The following CALD1 variants were observed in gnomAD, a reference collection of about 807,000 sequenced individuals.
CALD1 encodes caldesmon 1.
A neutral mutation model predicts 99.9 loss-of-function variants in CALD1; 33 were observed. The ratio of observed to expected loss-of-function variants is 0.33; its 90% CI spans 0.25 to 0.44. The LOEUF (loss-of-function observed/expected upper bound fraction) is 0.44. Ranked by LOEUF, CALD1 falls within the 20% of genes least tolerant of loss-of-function variation. CALD1 has a pLI of 1.00. For synonymous variants in CALD1, 310 were observed against 325.0 expected (o/e 0.95, Z 0.50); for missense variants, 861 against 962.1 (o/e 0.89, Z 1.39).
chr7:134,865,052 A>T (rs946193296), intron 2 of CALD1, among the ~76,000 whole-genome samples: 8 of 152,108 alleles, frequency 5.3e-5, no homozygotes, highest in African/African-American at 1.9e-4. Flanking sequence ...TTGACTTTTC[A>T]TCCCTTCATT....
chr7:134,910,072 A>G (rs917420541), intron 3 of CALD1, among the ~76,000 whole-genome samples: 15 of 152,316 alleles, frequency 9.8e-5, no homozygotes, highest in Non-Finnish European at 2.1e-4. Flanking sequence ...AATATTGAAT[A>G]TAGTCAATAT....
chr7:134,921,185 C>A (rs1440731877), intron 3 of CALD1, among the ~76,000 whole-genome samples: 1 of 152,164 alleles, frequency 6.6e-6, no homozygotes, highest in Non-Finnish European at 1.5e-5. Context: ...GTCTGATGAA[C>A]AGTTGTCTCA....
chr7:134,866,035 G>A (rs1015581796), intron 2 of CALD1, among the ~76,000 whole-genome samples: 17 of 152,172 alleles, frequency 1.1e-4, no homozygotes, highest in Admixed American at 5.9e-4. Flanking sequence ...GGAAGGAAGA[G>A]AAGAGTCTAC....
Position 134,907,828 on chromosome 7 carries a change from C to T in CALD1, c.72-20926C>T, listed in dbSNP as rs1803514514. On this transcript the variant is annotated intron_variant, in intron 3 of 14. Coordinates refer to ENST00000361675, the MANE Select transcript of CALD1 (RefSeq NM_033138.4). ...CGTGGGCCCTCAGACACGAGCAATC[C>T]TTCTGGCCGCTGCCAGTGTCCTAAT... Among the ~76,000 whole-genome samples, 4 of 152,140 alleles carry T rather than the reference C, an allele frequency of 2.6e-5. No individual in the cohort carries two copies. In the South Asian group the frequency reaches 8.3e-4, roughly 32 times the overall value.
intron 1 of CALD1, among the ~76,000 whole-genome samples, chr7:134,842,990 T>A (rs1799710231): frequency 6.6e-6 from 1 of 152,174 alleles, no homozygotes; most frequent in East Asian, 1.9e-4. Flanking sequence ...GAGGAGATGG[T>A]TAAATCAAAG....
upstream of CALD1, among the ~76,000 whole-genome samples, chr7:134,777,766 T>C (rs1320641919): frequency 1.3e-5 from 2 of 152,206 alleles, no homozygotes; most frequent in Non-Finnish European, 2.9e-5. Flanking sequence ...GCAGCTGTTT[T>C]CTGAACTCCT....
chr7:134,855,596 C>A (rs1011588617), intron 2 of CALD1, among the ~76,000 whole-genome samples: 10 of 152,212 alleles, frequency 6.6e-5, no homozygotes, highest in African/African-American at 2.4e-4. Context: ...CAGCTGGCCA[C>A]AGGGTTGACT....
chr7:134,959,017 C>T (rs1295874317), intron 11 of CALD1, among the ~76,000 whole-genome samples: 1 of 150,188 alleles, frequency 6.7e-6, no homozygotes, highest in African/African-American at 2.4e-5. Context: ...TAAGTACTGC[C>T]CCCCAATTGT....
rs953338923 is a variant in CALD1 at position 134,957,988 on chromosome 7, G to T, written c.1936-81G>T. 5 of 1,015,794 alleles carry T rather than the reference G, an allele frequency of 4.9e-6. No individual in the cohort carries two copies. In the African/African-American group the frequency reaches 6.3e-5, roughly 13 times the overall value. The allele number at this position is 1,015,794 out of a possible 1,614,324, so 62.9% of individuals were successfully genotyped here. A position where few individuals can be genotyped will look rare whatever the true frequency, so the allele number is the denominator to read the frequency against. ...TCTTCGGTGTGTTTAACAGGTTCAG[G>T]GATGATATTGGCCTGGGCTGAGAAA... On this transcript the variant is annotated intron_variant, in intron 9 of 14. Transcript: ENST00000361675.
intron 1 of CALD1, among the ~76,000 whole-genome samples, chr7:134,827,652 C>G (rs1050400952): frequency 6.6e-6 from 1 of 152,182 alleles, no homozygotes; most frequent in Admixed American, 6.5e-5. Flanking sequence ...GAGTGAGGAC[C>G]ATATCACATC....
intron 2 of CALD1, among the ~76,000 whole-genome samples, chr7:134,860,457 A>G (rs1342001867): frequency 6.6e-6 from 1 of 152,210 alleles, no homozygotes; most frequent in Non-Finnish European, 1.5e-5. Flanking sequence ...GTCAATTACC[A>G]AGGTCTTTGA....
chr7:134,720,476 T>C, the CALD1 span, among the ~76,000 whole-genome samples: 1 of 152,198 alleles, frequency 6.6e-6, no homozygotes, highest in Non-Finnish European at 1.5e-5. Flanking sequence ...AAAATAAACA[T>C]GAGGCTTTGC....
intron 3 of CALD1, among the ~76,000 whole-genome samples, chr7:134,881,976 C>T (rs914931989): frequency 3.3e-5 from 5 of 152,160 alleles, no homozygotes; most frequent in South Asian, 2.1e-4. Context: ...TTGGGTCTTA[C>T]GTCGCACTTT....
chr7:134,839,152 G>A (rs966960986), intron 1 of CALD1, among the ~76,000 whole-genome samples: 3 of 152,120 alleles, frequency 2.0e-5, no homozygotes, highest in Admixed American at 6.6e-5. Context: ...TATTAATTTT[G>A]TCTGGGCTTC....
chr7:134,863,666 T>A (rs1239981395), intron 2 of CALD1, among the ~76,000 whole-genome samples: 1 of 152,132 alleles, frequency 6.6e-6, no homozygotes, highest in Non-Finnish European at 1.5e-5. Flanking sequence ...GAGGGCTACA[T>A]GCCCATAGAG....
At chr7:134,890,027 G>C (rs1213640495) in intron 3 of CALD1, among the ~76,000 whole-genome samples, 2 of 152,054 alleles carry the variant, frequency 1.3e-5, no homozygotes, top group African/African-American at 4.8e-5. Context: ...TCCTGCCGCA[G>C]CCTCCCAAGT....
chr7:134,897,624 G>A (rs751296575), intron 3 of CALD1, among the ~76,000 whole-genome samples: 4 of 152,072 alleles, frequency 2.6e-5, no homozygotes, highest in Non-Finnish European at 4.4e-5. Flanking sequence ...AGGAAGCTAT[G>A]TTGGCTGGTG....
At chr7:134,968,087 C>T (rs537393939) in intron 14 of CALD1, among the ~76,000 whole-genome samples, 21 of 152,058 alleles carry the variant, frequency 1.4e-4, no homozygotes, top group South Asian at 4.1e-4. Flanking sequence ...GCAGAGGTTG[C>T]AGTGAGCTGA....
intron 1 of CALD1, among the ~76,000 whole-genome samples, chr7:134,826,090 T>C (rs1448493724): frequency 6.6e-6 from 1 of 152,130 alleles, no homozygotes; most frequent in African/African-American, 2.4e-5. Context: ...CAAACTACTG[T>C]TTACTTTAAA....
Sources: allele counts gnomAD v4.1 joint callset (sites outside exome capture counted in the v4.1 genomes callset), GRCh38; gene constraint gnomAD v4.1.1; transcripts MANE v1.5; gene names NCBI Gene and HGNC (gene_info 2026-07-23, HGNC 2026-07-21).